ZNF562: variants seen among roughly 807,000 people sequenced by gnomAD.
The protein encoded by ZNF562 is zinc finger protein 562.
In ZNF562, 13 loss-of-function variants were observed where a neutral mutation model predicts 17.5. The observed-to-expected ratio is 0.74, with a 90% CI of 0.48 to 1.18. ZNF562 has a LOEUF of 1.18. ZNF562 is among the 50% of genes most tolerant of loss of function. ZNF562 has a pLI of 0.00. For synonymous variants in ZNF562, 163 were observed against 165.4 expected, an observed-to-expected ratio of 0.99 and a Z score of 0.11; for missense variants, 481 against 498.5, an observed-to-expected ratio of 0.96 and a Z score of 0.33.
chr19:9,652,962 C>T lies in ZNF562; in HGVS notation c.1268G>A (p.Ser423Asn). The T allele has an allele frequency of 1.3e-6, 2 of 1,498,410 alleles. No homozygotes were observed. The highest frequency in any genetic ancestry group is 1.5e-5 in the South Asian group (1 of 68,716). The allele number at this position is 1,498,410 out of a possible 1,614,324, so 92.8% of individuals were successfully genotyped here. ...SHRSKHLKTH[S>N]GER ...CATATCTTGCATTTACCTTTCTCCA[C>T]TGTGAGTTTTCAAATGTTTACTACG... Residue 423 changes from serine (S) to asparagine (N), a missense_variant, in exon 6 of 6, where the codon AGT becomes AAT. Ser to Asn is a conservative substitution (Grantham distance 46). This residue lies in a region of ZNF562 where 78 missense variants were observed against 112.0 expected (regional missense o/e 0.70). Transcript: ENST00000453372.
intron 1 of ZNF562, among the ~76,000 whole-genome samples, chr19:9,673,338 A>G (rs1030122966): frequency 2.0e-5 from 3 of 152,070 alleles, no homozygotes; most frequent in African/African-American, 7.2e-5. Context: ...TCACCCTTCT[A>G]TAGAAATAAA....
Position 9,672,439 on chromosome 19 carries a change from A to G in ZNF562, c.-131+2576T>C, listed in dbSNP as rs575468556. ...TCAAATTGTTCACTGTAAGATTTAC[A>G]TGAGGAGAAAGAAATAAAATGCTAA... On this transcript the variant is annotated intron_variant, in intron 1 of 5. Coordinates refer to ENST00000453372, the MANE Select transcript of ZNF562 (RefSeq NM_001130031.2). 1.6e-4 allele frequency among the ~76,000 whole-genome samples: 25 copies of G among 152,330 alleles called. No individual in the cohort carries two copies. The South Asian group carries it at 2.1e-3, about 13-fold the overall frequency.
At chr19:9,673,256 C>A (rs997811122) in intron 1 of ZNF562, among the ~76,000 whole-genome samples, 2 of 152,086 alleles carry the variant, frequency 1.3e-5, no homozygotes, top group Non-Finnish European at 2.9e-5. Context: ...AAGTAGGGAC[C>A]CAGCGTTAGA....
intron 3 of ZNF562, 23 bp downstream of exon 3, chr19:9,659,356 A>G (rs748955979): frequency 6.5e-7 from 1 of 1,541,070 alleles, no homozygotes. Flanking sequence ...GTCATTTTGT[A>G]CAACGGTACA....
At chr19:9,663,485 T>C (rs1209185756) in intron 1 of ZNF562, among the ~76,000 whole-genome samples, 1 of 151,770 alleles carries the variant, frequency 6.6e-6, no homozygotes, top group Non-Finnish European at 1.5e-5. Context: ...CTGCATAAAT[T>C]TTCCTTCCTG....
chr19:9,666,188 G>A lies in ZNF562; in HGVS notation c.-130-5314C>T, dbSNP rs145256749. Among the ~76,000 whole-genome samples, 212 of 151,982 alleles carry A rather than the reference G, an allele frequency of 1.4e-3. 3 individuals carry two copies. Among genetic ancestry groups the A allele is most frequent in the Middle Eastern group, 0.01 (3 of 292 alleles). The stretch of plus-strand genomic sequence containing the variant: ...AAAAATACAAAATTAGCTAGACATG[G>A]TGGTGCATGCCTGTAATCCCACTAC... On this transcript the variant is annotated intron_variant, in intron 1 of 5. Coordinates refer to ENST00000453372, the MANE Select transcript of ZNF562 (RefSeq NM_001130031.2).
intron 2 of ZNF562, among the ~76,000 whole-genome samples, chr19:9,660,277 T>A (rs912177015): frequency 1.3e-5 from 2 of 150,540 alleles, no homozygotes; most frequent in African/African-American, 4.9e-5. Flanking sequence ...AATAAATAAA[T>A]AAAAATATGA....
At position 9,653,072 on chromosome 19, in the gene ZNF562, C is replaced by T. The variant is rs376511671; in HGVS notation, c.1158G>A (p.Thr386=). 177 of 1,607,206 alleles carry T rather than the reference C, an allele frequency of 1.1e-4. No individual in the cohort carries two copies. The Middle Eastern group carries it at 2.6e-3, about 24-fold the overall frequency. ...TGTGAATTCTTCTATGTTGAGTAAG[C>T]GTTGAAGATCTATTGAAGGCTTTCC... is the stretch of plus-strand genomic sequence containing the variant. ...ECGKAFNRSS[T]LTQHRRIHTG... Residue 386 remains threonine (T), a synonymous_variant, in exon 6 of 6, where the codon ACG becomes ACA. Coordinates refer to ENST00000453372, the MANE Select transcript of ZNF562 (RefSeq NM_001130031.2).
At chr19:9,661,979 C>G (rs1235178446) in intron 1 of ZNF562, among the ~76,000 whole-genome samples, 1 of 152,074 alleles carries the variant, frequency 6.6e-6, no homozygotes, top group Non-Finnish European at 1.5e-5. Context: ...CCAGGCTGGT[C>G]TCAAACTCCT....
rs530492071 is a variant in ZNF562 at position 9,655,989 on chromosome 19, T to A, written c.348+558A>T. ...CTCAAGTGATCCACCTATCTTTGCCTCCTAAAGTGTTGGGATTACAGGCAT... is the reference window on the plus strand; with the variant it reads ...CTCAAGTGATCCACCTATCTTTGCCACCTAAAGTGTTGGGATTACAGGCAT... On this transcript the variant is annotated intron_variant, in intron 5 of 5. Coordinates refer to ENST00000453372, the MANE Select transcript of ZNF562 (RefSeq NM_001130031.2). Among the ~76,000 whole-genome samples the A allele has an allele frequency of 5.3e-5, 8 of 152,194 alleles. No individual in the cohort carries two copies. The South Asian group carries it at 1.0e-3, about 20-fold the overall frequency.
intron 1 of ZNF562, among the ~76,000 whole-genome samples, chr19:9,668,370 C>A (rs972688639): frequency 6.6e-6 from 1 of 151,854 alleles, no homozygotes; most frequent in Admixed American, 6.6e-5. Flanking sequence ...CAAAGTGAGA[C>A]CCCACCTCTG....
At position 9,650,707 on chromosome 19, in the gene ZNF562, T is replaced by C. The variant is rs763621506; in HGVS notation, c.*2242A>G. The C allele has an allele frequency of 5.3e-5, 8 of 152,094 alleles. No individual in the cohort carries two copies. Among genetic ancestry groups the C allele is most frequent in the Non-Finnish European group, 1.2e-4 (8 of 68,084 alleles). 9.4% of individuals were successfully genotyped at this position (152,094 alleles called of 1,614,324 possible). On this transcript the variant is annotated 3_prime_UTR_variant, in exon 6 of 6. Coordinates refer to ENST00000453372, the MANE Select transcript of ZNF562 (RefSeq NM_001130031.2). ...GCTCAGGCCTGTAATCCCAGCACTT[T>C]GGGAGGCCAAGGCAGGTGGATCACC...
At position 9,653,749 on chromosome 19, in the gene ZNF562, C is replaced by T; in HGVS notation, c.481G>A (p.Asp161Asn). ...NTFEGNCYGK[D>N]SISVHKEASI... ...GCTTCCTTGTGCACACTGATGCTGT[C>T]TTTTCCATAACAATTACCCTCAAAA... The change falls in exon 6 of 6, where the codon GAC becomes AAC. Residue 161 changes from aspartate to asparagine, a missense_variant. Asp to Asn is a conservative substitution (Grantham distance 23). Around this residue, in one of 2 missense-constraint regions of ZNF562, gnomAD observed 403 missense variants for 386.4 expected, o/e 1.04. Transcript: ENST00000453372. The T allele has an allele frequency of 6.2e-7, 1 of 1,614,040 alleles. No homozygotes were observed. Among genetic ancestry groups the T allele is most frequent in the Non-Finnish European group, 8.5e-7 (1 of 1,179,970 alleles).
At chr19:9,663,478 C>G (rs969644064) in intron 1 of ZNF562, among the ~76,000 whole-genome samples, 1 of 151,368 alleles carries the variant, frequency 6.6e-6, no homozygotes, top group Non-Finnish European at 1.5e-5. Flanking sequence ...CTCCAGACTG[C>G]ATAAATTTTC....
rs145646019 is a variant in ZNF562, at chr19:9,652,896, G to A, written c.*53C>T. ...CATACAAAAGGTTTCTCTCTGGTAG[G>A]AGTTCACAGGTGGGGTGAGGAATAC... On this transcript the variant is annotated 3_prime_UTR_variant, in exon 6 of 6. Transcript: ENST00000453372. 0.015 allele frequency: 22,201 copies of A among 1,439,952 alleles called. 209 individuals are homozygous for A. The highest frequency in any genetic ancestry group is 0.018 in the Non-Finnish European group (19,378 of 1,088,476). The allele number at this position is 1,439,952 out of a possible 1,614,324, so 89.2% of individuals were successfully genotyped here. A position where few individuals can be genotyped will look rare whatever the true frequency, so the allele number is the denominator to read the frequency against.
intron 2 of ZNF562, 125 bp from the exon 3 acceptor site, chr19:9,659,592 A>C (rs2043645727): frequency 5.8e-6 from 7 of 1,199,248 alleles, no homozygotes; most frequent in South Asian, 1.6e-5. Context: ...CACACACACA[A>C]CACTTCCATG....
At position 9,652,134 on chromosome 19, in the gene ZNF562, A is replaced by G. The variant is rs1250309364; in HGVS notation, c.*815T>C. ...ATTCATGGACTATATCAGCCATCTT[A>G]ACAGAAGTGAGAAGAGAGACTGGAT... On this transcript the variant is annotated 3_prime_UTR_variant, in exon 6 of 6. Transcript: ENST00000453372. 5 of 152,340 alleles carry G rather than the reference A, an allele frequency of 3.3e-5. No individual in the cohort carries two copies. Among genetic ancestry groups the G allele is most frequent in the South Asian group, 2.1e-4 (1 of 4,832 alleles). 9.4% of individuals were successfully genotyped at this position (152,340 alleles called of 1,614,324 possible).
At chr19:9,673,041 C>T (rs763782678) in intron 1 of ZNF562, among the ~76,000 whole-genome samples, 41 of 152,020 alleles carry the variant, frequency 2.7e-4, no homozygotes, top group Admixed American at 1.1e-3. Flanking sequence ...TGTAAACAAC[C>T]TTCCCATCAG....
chr19:9,652,812 G>T lies in ZNF562; in HGVS notation c.*137C>A. ...CATTCATAGTATTTCTCCCCAGTGT[G>T]AATTCTTTCATGCATACTTAGGCAT... is the stretch of plus-strand genomic sequence containing the variant. On this transcript the variant is annotated 3_prime_UTR_variant, in exon 6 of 6. Coordinates refer to ENST00000453372, the MANE Select transcript of ZNF562 (RefSeq NM_001130031.2). 1 of 732,510 alleles carries T rather than the reference G, an allele frequency of 1.4e-6. No homozygotes were observed. Among genetic ancestry groups the T allele is most frequent in the South Asian group, 3.0e-5 (1 of 32,790 alleles). 45.4% of individuals were successfully genotyped at this position (732,510 alleles called of 1,614,324 possible). A position where few individuals can be genotyped will look rare whatever the true frequency, so the allele number is the denominator to read the frequency against.
Sources: gnomAD v4.1 joint callset for allele counts (sites outside exome capture counted in the v4.1 genomes callset) on GRCh38, gnomAD v4.1.1 for gene constraint, gnomAD v4.1.1 regional missense constraint, MANE v1.5 for transcripts, NCBI Gene and HGNC (gene_info 2026-07-23, HGNC 2026-07-21) for gene names.